The following ARHGAP25 variants were observed in gnomAD, a reference collection of about 807,000 sequenced individuals.
ARHGAP25 encodes the protein Rho GTPase activating protein 25.
ARHGAP25 carries 34 observed loss-of-function variants against 71.0 expected under a neutral mutation model. The ratio of observed to expected loss-of-function variants is 0.48; its 90% CI spans 0.36 to 0.64. ARHGAP25 has a LOEUF of 0.64. ARHGAP25 is among the 30% of genes least tolerant of loss of function. ARHGAP25 has a pLI of 0.00. For synonymous variants in ARHGAP25, 282 were observed against 296.5 expected (o/e 0.95, Z 0.50); for missense variants, 706 against 805.1 (o/e 0.88, Z 1.49).
chr2:68,758,651 A>T (rs1051366102), intron 1 of ARHGAP25, among the ~76,000 whole-genome samples: 1 of 151,958 alleles, frequency 6.6e-6, no homozygotes, highest in African/African-American at 2.4e-5. Flanking sequence ...AGGCAGTTCT[A>T]TAATAATGTT....
intron 4 of ARHGAP25, among the ~76,000 whole-genome samples, chr2:68,797,620 C>G (rs1280149086): frequency 6.6e-6 from 1 of 152,202 alleles, no homozygotes; most frequent in Non-Finnish European, 1.5e-5. Flanking sequence ...GTTCATCCCC[C>G]GCTCAAGCCC....
intron 4 of ARHGAP25, among the ~76,000 whole-genome samples, chr2:68,796,699 C>T (rs1280244738): frequency 6.6e-6 from 1 of 151,998 alleles, no homozygotes; most frequent in African/African-American, 2.4e-5. Context: ...AGTGGTGGGC[C>T]AAGTGTGTTT....
At chr2:68,821,092 C>CTTTT (rs34119311) in intron 9 of ARHGAP25, among the ~76,000 whole-genome samples, 1,977 of 99,146 alleles carry the variant, frequency 0.02, 6 homozygotes, top group African/African-American at 0.022. Flanking sequence ...CTTTTTCTTT[C>CTTTT]TTTTTTTTTT....
intron 7 of ARHGAP25, chr2:68,816,609 A>G (rs968257298): frequency 2.1e-6 from 1 of 470,502 alleles, no homozygotes; most frequent in Non-Finnish European, 3.8e-6. Context: ...GAGTCCTGGT[A>G]CATGCAAGAG....
chr2:68,711,133 C>T (rs545442202), intron 2 of ARHGAP25, among the ~76,000 whole-genome samples: 7 of 152,250 alleles, frequency 4.6e-5, no homozygotes, highest in South Asian at 2.1e-4. Flanking sequence ...CTGAATTTGC[C>T]GAGGAAATCC....
chr2:68,736,489 T>A (rs548418356), intron 1 of ARHGAP25, among the ~76,000 whole-genome samples: 2 of 152,364 alleles, frequency 1.3e-5, no homozygotes, highest in African/African-American at 4.8e-5. Flanking sequence ...GAAAGTGTCC[T>A]GCTTCTACAT....
At chr2:68,753,699 G>GT (rs1340184314) in intron 1 of ARHGAP25, among the ~76,000 whole-genome samples, 2 of 152,110 alleles carry the variant, frequency 1.3e-5, no homozygotes, top group Non-Finnish European at 2.9e-5. Flanking sequence ...ACGTTCTCAT[G>GT]TTTTTTCAGG....
At chr2:68,753,378 A>G (rs1244065198) in intron 1 of ARHGAP25, among the ~76,000 whole-genome samples, 1 of 152,234 alleles carries the variant, frequency 6.6e-6, no homozygotes. Flanking sequence ...CAACTTGCCC[A>G]GCATCTTGCT....
chr2:68,824,417 T>TGTTCTTC (rs1284957729), intron 10 of ARHGAP25, among the ~76,000 whole-genome samples: 9 of 152,208 alleles, frequency 5.9e-5, no homozygotes, highest in Non-Finnish European at 1.2e-4. Context: ...TACAGAGAAC[T>TGTTCTTC]TGGAGAAGAA....
chr2:68,815,289 G>A (rs1681116024), intron 6 of ARHGAP25, among the ~76,000 whole-genome samples: 1 of 152,180 alleles, frequency 6.6e-6, no homozygotes. Flanking sequence ...AACTGAAGAA[G>A]GGATCTCAGC....
chr2:68,713,985 TGA>T, intron 2 of ARHGAP25, among the ~76,000 whole-genome samples: 2 of 152,254 alleles, frequency 1.3e-5, no homozygotes, highest in Non-Finnish European at 2.9e-5. Context: ...GGTATCAGGA[TGA>T]TGCTAGCCTC....
At chr2:68,756,959 A>G (rs577287695) in intron 1 of ARHGAP25, among the ~76,000 whole-genome samples, 8 of 151,774 alleles carry the variant, frequency 5.3e-5, no homozygotes, top group Admixed American at 3.9e-4. Flanking sequence ...ATATCAAAAA[A>G]GAGATAGAAA....
intron 1 of ARHGAP25, chr2:68,774,893 G>A: frequency 7.4e-7 from 1 of 1,348,780 alleles, no homozygotes; most frequent in Non-Finnish European, 9.5e-7. Context: ...GTCAGATGCT[G>A]TGGCCACTTC....
At chr2:68,787,790 T>G (rs1396763902) in intron 3 of ARHGAP25, 50 bp from the exon 4 acceptor site, 1 of 1,492,124 alleles carries the variant, frequency 6.7e-7, no homozygotes, top group African/African-American at 1.4e-5. Flanking sequence ...CCCCTTGCTC[T>G]CATGTTCTTA....
intron 4 of ARHGAP25, among the ~76,000 whole-genome samples, chr2:68,801,367 A>G (rs1013373546): frequency 1.3e-5 from 2 of 152,200 alleles, no homozygotes; most frequent in East Asian, 3.8e-4. Flanking sequence ...GAATCCTCAG[A>G]GGAGGCTAAA....
chr2:68,748,176 T>C (rs1258916666), intron 1 of ARHGAP25, among the ~76,000 whole-genome samples: 1 of 152,106 alleles, frequency 6.6e-6, no homozygotes, highest in Non-Finnish European at 1.5e-5. Context: ...CTCCTTCTAT[T>C]AACAGTTTTC....
chr2:68,822,404 G>C lies in ARHGAP25; in HGVS notation c.1265G>C (p.Ser422Thr), dbSNP rs761008026. The change falls in exon 10 of 11, where the codon AGC becomes ACC. Residue 422 changes from serine (S) to threonine (T), a missense_variant. Physicochemically the swap from Ser to Thr is moderately conservative, Grantham distance 58. Coordinates refer to ENST00000409202, the MANE Select transcript of ARHGAP25 (RefSeq NM_001007231.3). ...CCGAGCGATGCGTTTCCGGAGGACA[G>C]CAGCAAAGTACCCAGGGAAAAGCCA... ...QQPSDAFPED[S>T]SKVPREKPGD... The C allele has an allele frequency of 1.2e-6, 2 of 1,614,172 alleles. No individual in the cohort carries two copies. Among genetic ancestry groups the C allele is most frequent in the Non-Finnish European group, 1.7e-6 (2 of 1,180,014 alleles).
chr2:68,771,236 A>G (rs1677468489), intron 1 of ARHGAP25, among the ~76,000 whole-genome samples: 1 of 152,242 alleles, frequency 6.6e-6, no homozygotes, highest in South Asian at 2.1e-4. Context: ...ACTTGCCCCA[A>G]GGTGTTCTGT....
At chr2:68,716,026 A>T (rs1674601350) in intron 2 of ARHGAP25, among the ~76,000 whole-genome samples, 1 of 152,124 alleles carries the variant, frequency 6.6e-6, no homozygotes, top group South Asian at 2.1e-4. Flanking sequence ...GCCCTCTTTC[A>T]TCCTTCTCTG....
Sources: gnomAD v4.1 joint callset for allele counts (sites outside exome capture counted in the v4.1 genomes callset) on GRCh38, gnomAD v4.1.1 for gene constraint, MANE v1.5 for transcripts, NCBI Gene and HGNC (gene_info 2026-07-23, HGNC 2026-07-21) for gene names.